Variants in DCAF6 observed in about 807,000 individuals in gnomAD.
The protein encoded by DCAF6 is DDB1- and CUL4-associated factor 6.
A neutral mutation model predicts 125.1 loss-of-function variants in DCAF6; 54 were observed. The ratio of observed to expected loss-of-function variants is 0.43; its 90% CI spans 0.35 to 0.54. The LOEUF (loss-of-function observed/expected upper bound fraction) is 0.54, where lower values mean the gene tolerates loss of function less well. DCAF6 is among the 20% of genes least tolerant of loss of function. The pLI is 0.01. For missense variants in DCAF6, 934 were observed against 1,161.7 expected (o/e 0.80, Z 2.85); for synonymous variants, 371 against 390.4 (o/e 0.95, Z 0.58).
At position 168,061,376 on chromosome 1, in the gene DCAF6, T is replaced by C. The variant is rs561208091; in HGVS notation, c.2301-2245T>C. Among the ~76,000 whole-genome samples, 76 of 152,306 alleles carry C rather than the reference T, an allele frequency of 5.0e-4. 3 individuals are homozygous for C. The South Asian group carries it at 0.015, about 31-fold the overall frequency. ...TATGAAAGTAGAAGTATATAATTGT[T>C]ACATAATTATTTTAAAAATTGTTAG... is the stretch of plus-strand genomic sequence containing the variant. On this transcript the variant is annotated intron_variant, in intron 17 of 21. Transcript: ENST00000367840.
intron 2 of DCAF6, among the ~76,000 whole-genome samples, chr1:167,952,265 A>G (rs1397155367): frequency 2.6e-5 from 4 of 152,058 alleles, no homozygotes; most frequent in African/African-American, 9.7e-5. Flanking sequence ...CAGTGGCGCA[A>G]TCTCGGCTCA....
chr1:167,936,164 G>A (rs1488417943), upstream of DCAF6: 5 of 308,426 alleles, frequency 1.6e-5, no homozygotes, highest in Non-Finnish European at 2.5e-5. Flanking sequence ...CTGGCAGCGC[G>A]CTTGCGCAGG....
the DCAF6 span, among the ~76,000 whole-genome samples, chr1:167,876,967 A>C: frequency 6.6e-6 from 1 of 152,198 alleles, no homozygotes; most frequent in Non-Finnish European, 1.5e-5. Flanking sequence ...TGAGGCCGCC[A>C]GGTTGGCCAA....
chr1:167,921,517 C>T, the DCAF6 span, among the ~76,000 whole-genome samples: 3 of 152,130 alleles, frequency 2.0e-5, no homozygotes, highest in South Asian at 2.1e-4. Flanking sequence ...CCACCATGCC[C>T]GGCCTTGGCT....
At chr1:167,925,519 CGTTTTTTTTTTTTG>C in the DCAF6 span, among the ~76,000 whole-genome samples, 2 of 111,300 alleles carry the variant, frequency 1.8e-5, no homozygotes, top group African/African-American at 3.4e-5. Flanking sequence ...ATACAAACAA[CGTTTTTTTTTTTTG>C]GTTTTTTTTT....
At chr1:167,918,999 G>A in the DCAF6 span, among the ~76,000 whole-genome samples, 2 of 152,118 alleles carry the variant, frequency 1.3e-5, no homozygotes, top group Admixed American at 6.5e-5. Context: ...TGACAAACTT[G>A]TGAACATATG....
chr1:167,864,046 G>C, the DCAF6 span, among the ~76,000 whole-genome samples: 1 of 152,182 alleles, frequency 6.6e-6, no homozygotes, highest in South Asian at 2.1e-4. Flanking sequence ...TGCCTGTTCC[G>C]GCACTTTGGT....
chr1:168,047,027 G>A (rs2101817632), intron 16 of DCAF6, among the ~76,000 whole-genome samples: 1 of 152,182 alleles, frequency 6.6e-6, no homozygotes, highest in Admixed American at 6.5e-5. Flanking sequence ...TACCAAGCCT[G>A]CTTTATAGCT....
intron 4 of DCAF6, among the ~76,000 whole-genome samples, chr1:167,975,335 A>G (rs954976888): frequency 6.6e-6 from 1 of 152,240 alleles, no homozygotes; most frequent in Non-Finnish European, 1.5e-5. Flanking sequence ...TGACTGTACT[A>G]GGCTTTACCC....
chr1:168,022,662 G>A lies in DCAF6; in HGVS notation c.1550-326G>A, dbSNP rs184619167. ...TGGAGAGGGAGTTTGAGAAGGGCAA[G>A]GAGTCTTGTGTAGTGAACTAGATAC... On this transcript the variant is annotated intron_variant, in intron 11 of 21. Transcript: ENST00000367840. Among the ~76,000 whole-genome samples, 4 of 146,090 alleles carry A rather than the reference G, an allele frequency of 2.7e-5. No individual in the cohort carries two copies. In the East Asian group the frequency reaches 7.8e-4, roughly 28 times the overall value.
At chr1:168,017,069 C>G (rs555222406) in intron 11 of DCAF6, among the ~76,000 whole-genome samples, 1 of 150,828 alleles carries the variant, frequency 6.6e-6, no homozygotes, top group East Asian at 1.9e-4. Flanking sequence ...AAATCATAAA[C>G]TTTATTTTTA....
chr1:167,996,632 G>T (rs1023625135), intron 7 of DCAF6, among the ~76,000 whole-genome samples: 2 of 152,120 alleles, frequency 1.3e-5, no homozygotes, highest in Admixed American at 1.3e-4. Flanking sequence ...CTCCCTGTCG[G>T]ACCTAAAGCA....
rs1428723576 is a variant in DCAF6, at chr1:168,068,471, C to CT, written c.2791+11dup. On this transcript the variant is annotated intron_variant, in intron 21 of 21. Transcript: ENST00000367840. ...TTAATCATATCCGAGCTGGTAGGAA[C>CT]TTTAAGTATACTACTAAAACCATTT... 4 of 1,426,172 alleles carry CT rather than the reference C, an allele frequency of 2.8e-6. No individual in the cohort carries two copies. Among genetic ancestry groups the CT allele is most frequent in the Admixed American group, 2.4e-5 (1 of 41,444 alleles). The allele number at this position is 1,426,172 out of a possible 1,614,324, so 88.3% of individuals were successfully genotyped here.
At chr1:168,018,371 TTTTA>T (rs1326257629) in intron 11 of DCAF6, among the ~76,000 whole-genome samples, 4 of 152,228 alleles carry the variant, frequency 2.6e-5, no homozygotes, top group Non-Finnish European at 5.9e-5. Flanking sequence ...AACAGTGGTT[TTTTA>T]TTTATTTTTG....
chr1:168,024,220 TAAAAAAA>T (rs374506657), intron 12 of DCAF6, among the ~76,000 whole-genome samples: 1 of 124,724 alleles, frequency 8.0e-6, no homozygotes, highest in Non-Finnish European at 1.7e-5. Flanking sequence ...CCCATCTCTT[TAAAAAAA>T]AAAAAAAAAA....
At chr1:168,013,788 C>T (rs944124414) in intron 10 of DCAF6, among the ~76,000 whole-genome samples, 5 of 152,002 alleles carry the variant, frequency 3.3e-5, no homozygotes, top group African/African-American at 4.8e-5. Context: ...CTCTGTTGCC[C>T]GGGCTGGAGT....
the DCAF6 span, among the ~76,000 whole-genome samples, chr1:167,920,900 T>C: frequency 6.6e-6 from 1 of 152,238 alleles, no homozygotes; most frequent in African/African-American, 2.4e-5. Flanking sequence ...GATGTATATG[T>C]ATGCATTACA....
intron 12 of DCAF6, among the ~76,000 whole-genome samples, chr1:168,027,377 A>T (rs1686476021): frequency 6.6e-6 from 1 of 152,128 alleles, no homozygotes; most frequent in Non-Finnish European, 1.5e-5. Context: ...CAGATATGCT[A>T]TTATTTCAAA....
At chr1:167,887,418 C>T in the DCAF6 span, among the ~76,000 whole-genome samples, 1 of 152,090 alleles carries the variant, frequency 6.6e-6, no homozygotes, top group East Asian at 1.9e-4. Flanking sequence ...AGTTGGAAAC[C>T]ATCATTCTGA....
Sources: allele counts gnomAD v4.1 joint callset (sites outside exome capture counted in the v4.1 genomes callset), GRCh38; gene constraint gnomAD v4.1.1; transcripts MANE v1.5; gene names NCBI Gene and HGNC (gene_info 2026-07-23, HGNC 2026-07-21).